CEMIP: variants seen among roughly 807,000 people sequenced by gnomAD.
CEMIP encodes the protein cell migration inducing hyaluronidase 1.
In CEMIP, 105 loss-of-function variants were observed where a neutral mutation model predicts 156.9. That is an observed-to-expected ratio of 0.67 (90% confidence interval 0.57 to 0.79). The LOEUF (loss-of-function observed/expected upper bound fraction) is 0.79, where lower values mean the gene tolerates loss of function less well. Among genes scored for constraint, CEMIP ranks in the 30% least tolerant of loss-of-function variants. The pLI is 0.00. For missense variants in CEMIP, 1,457 were observed against 1,769.4 expected (o/e 0.82, Z 3.17); for synonymous variants, 676 against 668.4 (o/e 1.01, Z -0.17).
chr15:80,900,174 C>T (rs1899414249), intron 12 of CEMIP, among the ~76,000 whole-genome samples: 1 of 152,106 alleles, frequency 6.6e-6, no homozygotes, highest in Non-Finnish European at 1.5e-5. Context: ...CGAGGGTGGC[C>T]CTGAGAATGG....
intron 1 of CEMIP, among the ~76,000 whole-genome samples, chr15:80,796,233 C>T (rs551485851): frequency 5.3e-5 from 8 of 152,224 alleles, no homozygotes; most frequent in African/African-American, 1.7e-4. Flanking sequence ...GTCGGCCTCC[C>T]GAGCAGTTGG....
intron 14 of CEMIP, among the ~76,000 whole-genome samples, chr15:80,917,599 A>C (rs1553648): frequency 0.73 from 110,816 of 151,642 alleles, 43,754 homozygotes; most frequent in Non-Finnish European, 0.87. Context: ...AAACAGGTGA[A>C]TAGGATTCAA....
chr15:80,901,367 A>G (rs1374718172), intron 12 of CEMIP, among the ~76,000 whole-genome samples: 1 of 152,184 alleles, frequency 6.6e-6, no homozygotes, highest in Non-Finnish European at 1.5e-5. Flanking sequence ...CACGAGCCAC[A>G]TGTGGCTACT....
chr15:80,817,936 T>C (rs977034962), intron 1 of CEMIP, among the ~76,000 whole-genome samples: 1 of 152,158 alleles, frequency 6.6e-6, no homozygotes, highest in Non-Finnish European at 1.5e-5. Context: ...ATGTAAAAGG[T>C]TTCAGTGTTT....
intron 14 of CEMIP, among the ~76,000 whole-genome samples, chr15:80,917,595 G>A (rs1553649): frequency 0.73 from 110,825 of 151,648 alleles, 43,753 homozygotes; most frequent in Non-Finnish European, 0.87. Context: ...TATTAAACAG[G>A]TGAATAGGAT....
intron 1 of CEMIP, among the ~76,000 whole-genome samples, chr15:80,785,493 T>A (rs1198133308): frequency 6.6e-6 from 1 of 152,210 alleles, no homozygotes; most frequent in Non-Finnish European, 1.5e-5. Context: ...TCATCTTCTA[T>A]GAGGCAGGCC....
intron 1 of CEMIP, among the ~76,000 whole-genome samples, chr15:80,842,848 AG>A (rs1238406494): frequency 1.3e-5 from 2 of 152,248 alleles, no homozygotes; most frequent in Non-Finnish European, 2.9e-5. Flanking sequence ...TCGTGGCAGC[AG>A]GAATGAGGAA....
At chr15:80,822,239 T>C (rs1009053444) in intron 1 of CEMIP, among the ~76,000 whole-genome samples, 4 of 152,238 alleles carry the variant, frequency 2.6e-5, no homozygotes, top group African/African-American at 7.2e-5. Context: ...AGCCTGGTTT[T>C]CTGCAGGCAC....
At chr15:80,855,800 G>A (rs1051490517) in intron 1 of CEMIP, among the ~76,000 whole-genome samples, 1 of 152,182 alleles carries the variant, frequency 6.6e-6, no homozygotes, top group African/African-American at 2.4e-5. Context: ...TGGGATTACA[G>A]GTGTGAGCCA....
chr15:80,897,835 C>T (rs1487182574), intron 12 of CEMIP, among the ~76,000 whole-genome samples: 1 of 152,168 alleles, frequency 6.6e-6, no homozygotes, highest in Non-Finnish European at 1.5e-5. Flanking sequence ...AACTTTATCT[C>T]TAAGCTACCT....
At chr15:80,871,418 CTCT>C (rs1213710329) in intron 1 of CEMIP, among the ~76,000 whole-genome samples, 5 of 152,208 alleles carry the variant, frequency 3.3e-5, no homozygotes, top group African/African-American at 1.2e-4. Flanking sequence ...CAGAAAGTGA[CTCT>C]TTTTTGGTCT....
chr15:80,792,652 C>G (rs1178690672), intron 1 of CEMIP, among the ~76,000 whole-genome samples: 2 of 152,192 alleles, frequency 1.3e-5, no homozygotes, highest in African/African-American at 4.8e-5. Flanking sequence ...TTAGCAGACA[C>G]TGTATGTAGA....
At chr15:80,783,035 T>C (rs1024011875) in intron 1 of CEMIP, among the ~76,000 whole-genome samples, 3 of 152,196 alleles carry the variant, frequency 2.0e-5, no homozygotes, top group Non-Finnish European at 1.5e-5. Context: ...ATTGCAACAG[T>C]ATCTGAGTCC....
chr15:80,836,907 T>A (rs561282135), intron 1 of CEMIP, among the ~76,000 whole-genome samples: 3 of 152,136 alleles, frequency 2.0e-5, no homozygotes, highest in African/African-American at 7.2e-5. Flanking sequence ...AGCAGTGGAG[T>A]CCTAGAAGAT....
chr15:80,843,329 A>G (rs1313034120), intron 1 of CEMIP, among the ~76,000 whole-genome samples: 1 of 152,194 alleles, frequency 6.6e-6, no homozygotes, highest in African/African-American at 2.4e-5. Context: ...TTCAATTAAC[A>G]TTTATTGAAG....
At position 80,950,678 on chromosome 15, in the gene CEMIP, T is replaced by C. The variant is rs1448478150; in HGVS notation, c.*1754T>C. The C allele has an allele frequency of 3.9e-5, 6 of 152,630 alleles. No homozygotes were observed. Among genetic ancestry groups the C allele is most frequent in the Non-Finnish European group, 8.8e-5 (6 of 68,194 alleles). The allele number at this position is 152,630 out of a possible 1,614,324, so 9.5% of individuals were successfully genotyped here. On this transcript the variant is annotated 3_prime_UTR_variant, in exon 30 of 30. Transcript: ENST00000394685. ...GGCTGATCTTGGGTGTCTGAACAGC[T>C]ATTGGGTCCACCCCAGTCCCTTTCA...
intron 1 of CEMIP, among the ~76,000 whole-genome samples, chr15:80,824,564 G>A (rs940106895): frequency 2.0e-5 from 3 of 152,158 alleles, no homozygotes; most frequent in South Asian, 2.1e-4. Context: ...AGCCATCCAT[G>A]TCCCCAGCCA....
chr15:80,792,732 G>T (rs1161042613), intron 1 of CEMIP, among the ~76,000 whole-genome samples: 1 of 152,184 alleles, frequency 6.6e-6, no homozygotes, highest in Non-Finnish European at 1.5e-5. Context: ...GCAGTAGCTG[G>T]TCCTAGAACA....
At chr15:80,829,666 G>C (rs1270525335) in intron 1 of CEMIP, among the ~76,000 whole-genome samples, 3 of 152,158 alleles carry the variant, frequency 2.0e-5, no homozygotes, top group East Asian at 3.9e-4. Flanking sequence ...TTAACTACTG[G>C]GATGTTATGA....
Sources: gnomAD v4.1 joint callset for allele counts (sites outside exome capture counted in the v4.1 genomes callset) on GRCh38, gnomAD v4.1.1 for gene constraint, MANE v1.5 for transcripts, NCBI Gene and HGNC (gene_info 2026-07-23, HGNC 2026-07-21) for gene names.